The following DHX57 variants were observed in gnomAD, a reference collection of about 807,000 sequenced individuals.
The protein encoded by DHX57 is DExH-box helicase 57, also known as putative ATP-dependent RNA helicase DHX57.
Under a neutral mutation model 156.2 loss-of-function variants are expected in DHX57, and 105 were observed. The observed-to-expected ratio is 0.67, with a 90% confidence interval of 0.57 to 0.79. The LOEUF is 0.79. Among genes scored for constraint, DHX57 ranks in the 30% least tolerant of loss-of-function variants. The probability of loss-of-function intolerance (pLI) is 0.00; values close to 1 mark genes in which losing one functional copy is unlikely to be tolerated. For synonymous variants in DHX57, 704 were observed against 595.6 expected, an observed-to-expected ratio of 1.18 and a Z score of -2.65; for missense variants, 1,847 against 1,661.9, an observed-to-expected ratio of 1.11 and a Z score of -1.94.
chr2:38,832,551 AT>A (rs36089129), intron 13 of DHX57, among the ~76,000 whole-genome samples: 26 of 89,402 alleles, frequency 2.9e-4, no homozygotes, highest in Middle Eastern at 7.5e-3. Context: ...ATATATATAT[AT>A]TTTTTTTTTT....
In DHX57 at chr2:38,837,824, C is replaced by A. The variant is rs1391604511; in HGVS notation, c.2542+7G>T. 4 of 1,517,388 alleles carry A rather than the reference C, an allele frequency of 2.6e-6. No individual in the cohort carries two copies. In the East Asian group the frequency reaches 9.0e-5, roughly 34 times the overall value. 94.0% of individuals were successfully genotyped at this position (1,517,388 alleles called of 1,614,324 possible). On this transcript the variant is annotated splice_region_variant and intron_variant, in intron 13 of 23. Coordinates refer to ENST00000457308, the MANE Select transcript of DHX57 (RefSeq NM_198963.3). ...TGTCATTCAAGCCTTAATAAAGAAG[C>A]AGTTACCTGGAGGGTAGGAGTGCTT...
chr2:38,838,833 C>G (rs1347134099), intron 12 of DHX57: 1 of 452,968 alleles, frequency 2.2e-6, no homozygotes, highest in Non-Finnish European at 4.4e-6. Context: ...ACTCATAGAC[C>G]CTCACAATCT....
chr2:38,832,123 T>C (rs1421929392), intron 13 of DHX57, among the ~76,000 whole-genome samples: 1 of 152,106 alleles, frequency 6.6e-6, no homozygotes, highest in African/African-American at 2.4e-5. Flanking sequence ...AATAATTTTA[T>C]ATGGCTCACA....
rs542469570 is a variant in DHX57 at position 38,838,393 on chromosome 2, C to T, written c.2426-446G>A. Among the ~76,000 whole-genome samples, 12 of 152,192 alleles carry T rather than the reference C, an allele frequency of 7.9e-5. No individual in the cohort carries two copies. The South Asian group carries it at 2.5e-3, about 31-fold the overall frequency. ...TGGGATTACAGCCACCACAACCAGC[C>T]CACTTTTTTCTTTTAGTTTCCCAGA... On this transcript the variant is annotated intron_variant, in intron 12 of 23. Coordinates refer to ENST00000457308, the MANE Select transcript of DHX57 (RefSeq NM_198963.3).
intron 11 of DHX57, among the ~76,000 whole-genome samples, chr2:38,845,725 A>T (rs1672242739): frequency 6.6e-6 from 1 of 152,226 alleles, no homozygotes; most frequent in South Asian, 2.1e-4. Flanking sequence ...GGGCTTTCAA[A>T]GAAGAGAGAT....
At chr2:38,817,076 G>A (rs1285829879) in intron 19 of DHX57, among the ~76,000 whole-genome samples, 7 of 152,058 alleles carry the variant, frequency 4.6e-5, no homozygotes, top group Admixed American at 1.3e-4. Flanking sequence ...GACCACAGGC[G>A]TGCACCATCA....
intron 10 of DHX57, among the ~76,000 whole-genome samples, chr2:38,847,801 T>C (rs965587124): frequency 1.3e-5 from 2 of 151,864 alleles, no homozygotes; most frequent in Admixed American, 6.6e-5. Context: ...CTCCCAGCAA[T>C]GGCCGGGTGC....
At chr2:38,860,058 G>C (rs925630881) in intron 5 of DHX57, among the ~76,000 whole-genome samples, 4 of 152,004 alleles carry the variant, frequency 2.6e-5, no homozygotes, top group East Asian at 1.9e-4. Flanking sequence ...GGGTCAAGCA[G>C]TGCTCTCACT....
intron 7 of DHX57, among the ~76,000 whole-genome samples, chr2:38,855,650 G>T (rs1356341566): frequency 6.6e-6 from 1 of 151,992 alleles, no homozygotes; most frequent in Admixed American, 6.6e-5. Flanking sequence ...AAACTAGAAG[G>T]TACGAATTAT....
chr2:38,838,258 C>T (rs951008724), intron 12 of DHX57, among the ~76,000 whole-genome samples: 8 of 152,056 alleles, frequency 5.3e-5, no homozygotes, highest in Non-Finnish European at 1.0e-4. Context: ...ACCACCATAC[C>T]TGGTTAATTT....
chr2:38,846,213 C>T (rs906920384), intron 11 of DHX57, among the ~76,000 whole-genome samples: 1 of 152,192 alleles, frequency 6.6e-6, no homozygotes, highest in Non-Finnish European at 1.5e-5. Flanking sequence ...AAGCACAGTT[C>T]TAAGCACTTT....
At chr2:38,858,617 G>T in intron 6 of DHX57, 44 bp downstream of exon 6, 1 of 1,563,836 alleles carries the variant, frequency 6.4e-7, no homozygotes, top group South Asian at 1.2e-5. Context: ...CCATCATCCA[G>T]ATATTAGGGA....
chr2:38,854,322 G>C, intron 8 of DHX57, 144 bp from the exon 9 acceptor site: 1 of 729,084 alleles, frequency 1.4e-6, no homozygotes, highest in Non-Finnish European at 2.1e-6. Context: ...ACTAAACATA[G>C]TTTCTTGCCA....
At chr2:38,873,358 G>C (rs146399940) in intron 1 of DHX57, among the ~76,000 whole-genome samples, 1 of 152,170 alleles carries the variant, frequency 6.6e-6, no homozygotes. Context: ...AATGGAATTA[G>C]AAATCAAAAG....
chr2:38,860,937 G>C, intron 5 of DHX57, 62 bp downstream of exon 5: 1 of 1,459,328 alleles, frequency 6.9e-7, no homozygotes. Context: ...AGCCTTAAAG[G>C]CTTTGACTTC....
intron 13 of DHX57, among the ~76,000 whole-genome samples, chr2:38,832,518 T>A (rs571221313): frequency 6.7e-6 from 1 of 149,400 alleles, no homozygotes; most frequent in Non-Finnish European, 1.5e-5. Flanking sequence ...AAGTTCTTTA[T>A]GATCACATAG....
rs890944399 is a variant in DHX57 at position 38,834,284 on chromosome 2, T to C, written c.2542+3547A>G. On this transcript the variant is annotated intron_variant, in intron 13 of 23. Coordinates refer to ENST00000457308, the MANE Select transcript of DHX57 (RefSeq NM_198963.3). ...AAGCGGAGGTTGCGGTGAGCCGAGA[T>C]CACACCATTGCACTCCAGCCTGGTC... Among the ~76,000 whole-genome samples the C allele has an allele frequency of 2.4e-5, 3 of 126,278 alleles. No individual in the cohort carries two copies. In the East Asian group the frequency reaches 7.0e-4, roughly 30 times the overall value. The allele number at this position is 126,278 out of a possible 152,430, so 82.8% of individuals were successfully genotyped here. A position where few individuals can be genotyped will look rare whatever the true frequency, so the allele number is the denominator to read the frequency against.
At chr2:38,860,562 C>T (rs547103807) in intron 5 of DHX57, among the ~76,000 whole-genome samples, 1 of 152,262 alleles carries the variant, frequency 6.6e-6, no homozygotes, top group South Asian at 2.1e-4. Context: ...CTAAAGAATT[C>T]TGGGGGTCTA....
At chr2:38,799,238 T>A (rs1196962460) in intron 23 of DHX57, among the ~76,000 whole-genome samples, 2 of 150,904 alleles carry the variant, frequency 1.3e-5, no homozygotes, top group African/African-American at 4.9e-5. Flanking sequence ...TGGTGGTGCA[T>A]GCCTATAATT....
Sources: gnomAD v4.1 joint callset for allele counts (sites outside exome capture counted in the v4.1 genomes callset) on GRCh38, gnomAD v4.1.1 for gene constraint, MANE v1.5 for transcripts, NCBI Gene and HGNC (gene_info 2026-07-23, HGNC 2026-07-21) for gene names.